Variants in GFPT1 observed in about 807,000 individuals in gnomAD.
The protein encoded by GFPT1 is glutamine--fructose-6-phosphate transaminase 1, also known as glutamine--fructose-6-phosphate aminotransferase [isomerizing] 1.
Under a neutral mutation model 92.0 loss-of-function variants are expected in GFPT1, and 40 were observed. That is an observed-to-expected ratio of 0.43 (90% CI 0.34 to 0.57). GFPT1 has a LOEUF of 0.57. GFPT1 is among the 20% of genes least tolerant of loss of function. The pLI, the probability that GFPT1 is intolerant of heterozygous loss-of-function variation, is 0.02. For synonymous variants in GFPT1, 269 were observed against 280.6 expected (o/e 0.96, Z 0.41); for missense variants, 448 against 869.1 (o/e 0.52, Z 6.09).
Position 69,363,527 on chromosome 2 carries a change from C to CA in GFPT1, c.349+17dup, listed in dbSNP as rs780939646. 2.2e-5 allele frequency: 36 copies of CA among 1,612,950 alleles called. No individual in the cohort carries two copies. The highest frequency in any genetic ancestry group is 2.0e-4 in the African/African-American group (15 of 74,880). ...AGGTTTCCACAATCATTCCAAAGCA[C>CA]AAAAAATCTTTCCATACCATTATTT... On this transcript the variant is annotated intron_variant, in intron 4 of 19. Transcript: ENST00000357308.
intron 15 of GFPT1, among the ~76,000 whole-genome samples, chr2:69,337,682 G>C (rs189805213): frequency 6.6e-6 from 1 of 152,280 alleles, no homozygotes; most frequent in Non-Finnish European, 1.5e-5. Context: ...ATCAGGAAGA[G>C]GGAGAGAATG....
intron 12 of GFPT1, among the ~76,000 whole-genome samples, chr2:69,344,274 C>T (rs1273083180): frequency 6.7e-6 from 1 of 148,534 alleles, no homozygotes; most frequent in African/African-American, 2.5e-5. Flanking sequence ...GGATGTAAGA[C>T]AGTGAGATTA....
In GFPT1 at chr2:69,364,994, C is replaced by CAAAA. The variant is rs58848043; in HGVS notation, c.224-1328_224-1325dup. ...TGGGTGACAGAGCGAGACTCCCTCT[C>CAAAA]AAAAAAAAAAAAAAAAAAAAAAAAA... is the stretch of plus-strand genomic sequence containing the variant. On this transcript the variant is annotated intron_variant, in intron 3 of 19. Transcript: ENST00000357308. Among the ~76,000 whole-genome samples the CAAAA allele has an allele frequency of 3.1e-3, 137 of 44,156 alleles. 21 individuals carry two copies. Among genetic ancestry groups the CAAAA allele is most frequent in the East Asian group, 0.027 (24 of 888 alleles). 29.0% of individuals were successfully genotyped at this position (44,156 alleles called of 152,430 possible).
rs142871135 is a variant in GFPT1, at chr2:69,363,658, A to G, written c.236T>C (p.Met79Thr). Residue 79 changes from methionine (M) to threonine (T), a missense_variant, in exon 4 of 20, where the codon ATG becomes ACG. Met to Thr is a moderately conservative substitution (Grantham distance 81). Around this residue, in one of 7 missense-constraint regions of GFPT1, gnomAD observed 72 missense variants for 95.1 expected, o/e 0.76. Transcript: ENST00000357308. ...TACATCAAATTCTATATCCAAATCC[A>G]TATCTTGTTGCTCTGAAGAATATGA... is the stretch of plus-strand genomic sequence containing the variant. The part of the protein sequence containing the change: ...LDEEVHKQQD[M>T]DLDIEFDVHL... 3.5e-5 allele frequency: 57 copies of G among 1,605,928 alleles called. No individual in the cohort carries two copies. In the African/African-American group the frequency reaches 5.9e-4, roughly 17 times the overall value.
intron 5 of GFPT1, 146 bp downstream of exon 5, chr2:69,359,122 C>A: frequency 1.6e-6 from 1 of 637,438 alleles, no homozygotes; most frequent in Non-Finnish European, 2.9e-6. Flanking sequence ...AAGAAAAATC[C>A]AATAAACCAC....
At chr2:69,360,312 G>C (rs556535314) in intron 4 of GFPT1, among the ~76,000 whole-genome samples, 1 of 126,362 alleles carries the variant, frequency 7.9e-6, no homozygotes, top group Non-Finnish European at 1.6e-5. Context: ...CTGGGCAACA[G>C]AGTGAGATTC....
chr2:69,340,302 T>C (rs1426765048), intron 13 of GFPT1, among the ~76,000 whole-genome samples: 2 of 152,064 alleles, frequency 1.3e-5, no homozygotes, highest in African/African-American at 2.4e-5. Flanking sequence ...GCTGGAACTA[T>C]AGGCACACAC....
intron 3 of GFPT1, 71 bp downstream of exon 3, chr2:69,369,930 C>G (rs975843888): frequency 2.3e-6 from 2 of 886,146 alleles, no homozygotes; most frequent in African/African-American, 1.6e-5. Flanking sequence ...GAGGGAGTAA[C>G]TTAGAGGAGA....
Position 69,369,942 on chromosome 2 carries a change from T to C in GFPT1, c.223+59A>G, listed in dbSNP as rs759344618. The C allele has an allele frequency of 7.5e-5, 71 of 945,280 alleles. No homozygotes were observed. In the African/African-American group the frequency reaches 1.1e-3, roughly 14 times the overall value. 58.6% of individuals were successfully genotyped at this position (945,280 alleles called of 1,614,324 possible). A position where few individuals can be genotyped will look rare whatever the true frequency, so the allele number is the denominator to read the frequency against. Reference sequence around the variant, plus strand: ...GGGGAGGGAGTAACTTAGAGGAGAATGGGGAGGGGAAAAGGAAGAGAAGGG... The same window carrying C: ...GGGGAGGGAGTAACTTAGAGGAGAACGGGGAGGGGAAAAGGAAGAGAAGGG... On this transcript the variant is annotated intron_variant, in intron 3 of 19. Transcript: ENST00000357308.
rs115067907 is a variant in GFPT1, at chr2:69,367,842, T to C, written c.223+2159A>G. 2.6e-3 allele frequency among the ~76,000 whole-genome samples: 389 copies of C among 152,358 alleles called. 3 individuals are homozygous for C. Among genetic ancestry groups the C allele is most frequent in the African/African-American group, 8.8e-3 (368 of 41,588 alleles). ...CATTTCCCATGTAGATATGGCCAGA[T>C]TGCTCTTTAAAGTGATTTACCAGTT... On this transcript the variant is annotated intron_variant, in intron 3 of 19. Coordinates refer to ENST00000357308, the MANE Select transcript of GFPT1 (RefSeq NM_001244710.2).
intron 13 of GFPT1, among the ~76,000 whole-genome samples, chr2:69,339,721 T>TG (rs1558739981): frequency 6.6e-6 from 1 of 152,164 alleles, no homozygotes; most frequent in Non-Finnish European, 1.5e-5. Context: ...CCCTTAACTT[T>TG]TGCTTGCCCA....
Position 69,384,693 on chromosome 2 carries a change from C to T in GFPT1, c.7+2372G>A, listed in dbSNP as rs927524656. Among the ~76,000 whole-genome samples, 62 of 106,634 alleles carry T rather than the reference C, an allele frequency of 5.8e-4. No individual in the cohort carries two copies. The South Asian group carries it at 0.01, about 18-fold the overall frequency. 70.0% of individuals were successfully genotyped at this position (106,634 alleles called of 152,430 possible). A position where few individuals can be genotyped will look rare whatever the true frequency, so the allele number is the denominator to read the frequency against. On this transcript the variant is annotated intron_variant, in intron 1 of 19. Coordinates refer to ENST00000357308, the MANE Select transcript of GFPT1 (RefSeq NM_001244710.2). ...TGGGCGACAGAGAGAGGCCCCGTCA[C>T]AAAAAAAAAAAAAAAAAAAGAAAAA...
chr2:69,370,096 T>A lies in GFPT1; in HGVS notation c.128A>T (p.Asp43Val). Residue 43 changes from aspartate to valine, a missense_variant, in exon 3 of 20, where the codon GAT becomes GTT. Physicochemically the swap from Asp to Val is radical, Grantham distance 152 (BLOSUM62 -3). Transcript: ENST00000357308. Reference sequence around the variant, plus strand: ...TTCCCAATCTTTATCATTGCCTCCATCAAATCCCACACCTAAACCATCATG... The same window carrying A: ...TTCCCAATCTTTATCATTGCCTCCAACAAATCCCACACCTAAACCATCATG... ...RGYDSAGVGF[D>V]GGNDKDWEAN... 1 of 1,603,290 alleles carries A rather than the reference T, an allele frequency of 6.2e-7. No homozygotes were observed. The highest frequency in any genetic ancestry group is 8.5e-7 in the Non-Finnish European group (1 of 1,170,214).
At chr2:69,375,095 G>T (rs1362911756) in intron 1 of GFPT1, among the ~76,000 whole-genome samples, 1 of 152,094 alleles carries the variant, frequency 6.6e-6, no homozygotes, top group African/African-American at 2.4e-5. Flanking sequence ...ACAAAACACA[G>T]GTAAAGGAAA....
chr2:69,369,936 G>A, intron 3 of GFPT1, 65 bp downstream of exon 3: 3 of 913,744 alleles, frequency 3.3e-6, no homozygotes, highest in Non-Finnish European at 5.5e-6. Context: ...GTAACTTAGA[G>A]GAGAATGGGG....
At chr2:69,355,282 T>G (rs935832929) in intron 7 of GFPT1, among the ~76,000 whole-genome samples, 2 of 152,154 alleles carry the variant, frequency 1.3e-5, no homozygotes, top group African/African-American at 4.8e-5. Flanking sequence ...TTTGTCATGT[T>G]GCCTAGGCTG....
chr2:69,361,757 T>A (rs961084732), intron 4 of GFPT1, among the ~76,000 whole-genome samples: 35 of 152,084 alleles, frequency 2.3e-4, no homozygotes, highest in African/African-American at 8.0e-4. Context: ...GGTGGGAAGA[T>A]TACTTGAGTC....
At chr2:69,337,057 TA>T (rs1373775152) in intron 15 of GFPT1, among the ~76,000 whole-genome samples, 2 of 142,862 alleles carry the variant, frequency 1.4e-5, no homozygotes, top group East Asian at 2.0e-4. Context: ...TGCCAAATTT[TA>T]AATTTTTTTT....
chr2:69,320,670 C>G lies in GFPT1; in HGVS notation c.*5519G>C, dbSNP rs1401382167. ...AGGCATGGTGGCACGTGCCTGTAAT[C>G]CCAGCTAATCCAGAGGCTGAGGCAA... On this transcript the variant is annotated 3_prime_UTR_variant, in exon 20 of 20. Coordinates refer to ENST00000357308, the MANE Select transcript of GFPT1 (RefSeq NM_001244710.2). 1 of 152,190 alleles carries G rather than the reference C, an allele frequency of 6.6e-6. No homozygotes were observed. Among genetic ancestry groups the G allele is most frequent in the African/African-American group, 2.4e-5 (1 of 41,434 alleles). 9.4% of individuals were successfully genotyped at this position (152,190 alleles called of 1,614,324 possible). A position where few individuals can be genotyped will look rare whatever the true frequency, so the allele number is the denominator to read the frequency against.
Sources: allele counts gnomAD v4.1 joint callset (sites outside exome capture counted in the v4.1 genomes callset), GRCh38; gene constraint gnomAD v4.1.1; regional missense constraint gnomAD v4.1.1; transcripts MANE v1.5; gene names NCBI Gene and HGNC (gene_info 2026-07-23, HGNC 2026-07-21).